The following SLC8A1 variants were observed in gnomAD, a reference collection of about 807,000 sequenced individuals.
The protein encoded by SLC8A1 is solute carrier family 8 member A1, also known as sodium/calcium exchanger 1.
SLC8A1 carries 18 observed loss-of-function variants against 68.3 expected under a neutral mutation model. That is an observed-to-expected ratio of 0.26 (90% CI 0.18 to 0.39). The LOEUF is 0.39. Among genes scored for constraint, SLC8A1 ranks in the 10% least tolerant of loss-of-function variants. SLC8A1 has a pLI of 1.00. For missense variants in SLC8A1, 985 were observed against 1,156.7 expected (o/e 0.85, Z 2.15); for synonymous variants, 475 against 415.5 (o/e 1.14, Z -1.74).
At chr2:40,338,266 C>G (rs1225638498) in intron 2 of SLC8A1, among the ~76,000 whole-genome samples, 1 of 152,108 alleles carries the variant, frequency 6.6e-6, no homozygotes, top group Non-Finnish European at 1.5e-5. Context: ...TAAGACAAGT[C>G]TTGACATATA....
intron 2 of SLC8A1, among the ~76,000 whole-genome samples, chr2:40,258,870 C>CA (rs1462154520): frequency 6.7e-6 from 1 of 150,170 alleles, no homozygotes; most frequent in African/African-American, 2.5e-5. Flanking sequence ...CAAAAAACAA[C>CA]AAAAAACCCA....
intron 2 of SLC8A1, among the ~76,000 whole-genome samples, chr2:40,311,407 A>G (rs1473775427): frequency 2.0e-5 from 3 of 149,924 alleles, no homozygotes; most frequent in African/African-American, 7.5e-5. Flanking sequence ...TTTTAAAAAT[A>G]GCCTTCAGAT....
chr2:40,116,689 T>G (rs367926694), intron 7 of SLC8A1: 11 of 152,366 alleles, frequency 7.2e-5, no homozygotes, highest in African/African-American at 2.2e-4. Flanking sequence ...GGGCTACAGC[T>G]CCTGCCTCAT....
At chr2:40,345,149 G>A (rs952465285) in intron 2 of SLC8A1, among the ~76,000 whole-genome samples, 7 of 152,052 alleles carry the variant, frequency 4.6e-5, no homozygotes, top group African/African-American at 1.7e-4. Context: ...CTCTGCACAC[G>A]GTGGTTGCTT....
At chr2:40,235,377 T>G (rs1399706417) in intron 2 of SLC8A1, among the ~76,000 whole-genome samples, 3 of 151,716 alleles carry the variant, frequency 2.0e-5, no homozygotes, top group Non-Finnish European at 1.5e-5. Context: ...ATTTTCTAGT[T>G]TATTTGTGTA....
At chr2:40,391,812 C>T (rs909829550) in intron 2 of SLC8A1, among the ~76,000 whole-genome samples, 6 of 152,070 alleles carry the variant, frequency 3.9e-5, no homozygotes, top group South Asian at 4.1e-4. Context: ...AACCACATCA[C>T]GCAAAGACCA....
chr2:40,491,575 G>A (rs1321612128), intron 1 of SLC8A1, among the ~76,000 whole-genome samples: 1 of 152,108 alleles, frequency 6.6e-6, no homozygotes. Context: ...TTTTCAAAGG[G>A]AATGCTTCCA....
At chr2:40,353,317 A>C (rs1671688965) in intron 2 of SLC8A1, among the ~76,000 whole-genome samples, 1 of 152,090 alleles carries the variant, frequency 6.6e-6, no homozygotes, top group South Asian at 2.1e-4. Flanking sequence ...CAAAGAGAGC[A>C]ATCTTCCTAC....
chr2:40,409,761 T>C (rs1478281555), intron 2 of SLC8A1, among the ~76,000 whole-genome samples: 1 of 152,154 alleles, frequency 6.6e-6, no homozygotes, highest in African/African-American at 2.4e-5. Flanking sequence ...CAGTGCCACA[T>C]CATCCACCAT....
At chr2:40,428,956 A>G in exon 2 of SLC8A1, 1 of 1,613,884 alleles carries the variant, frequency 6.2e-7, no homozygotes, top group Non-Finnish European at 8.5e-7. Context: ...TCTGAAGTCA[A>G]CAAACACAGT....
At chr2:40,246,316 C>T (rs2061858644) in intron 2 of SLC8A1, among the ~76,000 whole-genome samples, 1 of 152,178 alleles carries the variant, frequency 6.6e-6, no homozygotes, top group Admixed American at 6.5e-5. Context: ...GTCCTGATTC[C>T]ACTTCAAAAC....
At chr2:40,246,177 A>G (rs1408074989) in intron 2 of SLC8A1, among the ~76,000 whole-genome samples, 1 of 152,198 alleles carries the variant, frequency 6.6e-6, no homozygotes, top group Admixed American at 6.5e-5. Flanking sequence ...TTCCAGATGT[A>G]GGTTTTATAG....
At chr2:40,248,991 G>T (rs2062305723) in intron 2 of SLC8A1, among the ~76,000 whole-genome samples, 1 of 152,124 alleles carries the variant, frequency 6.6e-6, no homozygotes, top group Admixed American at 6.6e-5. Flanking sequence ...TATTTCTAGG[G>T]ACATTCATTG....
chr2:40,270,694 A>T (rs2065916705), intron 2 of SLC8A1, among the ~76,000 whole-genome samples: 1 of 152,242 alleles, frequency 6.6e-6, no homozygotes, highest in South Asian at 2.1e-4. Context: ...ACACCTTAAA[A>T]GTCCCCTTCG....
chr2:40,384,493 C>A (rs985066585), intron 2 of SLC8A1, among the ~76,000 whole-genome samples: 8 of 152,158 alleles, frequency 5.3e-5, no homozygotes, highest in Admixed American at 5.2e-4. Flanking sequence ...GTACACTATA[C>A]ATCAACATCA....
At chr2:40,304,286 T>C (rs935556372) in intron 2 of SLC8A1, among the ~76,000 whole-genome samples, 1 of 152,158 alleles carries the variant, frequency 6.6e-6, no homozygotes, top group African/African-American at 2.4e-5. Flanking sequence ...TTGTTCCTTC[T>C]TGAAGGAAAT....
intron 6 of SLC8A1, among the ~76,000 whole-genome samples, chr2:40,156,676 GAA>G (rs71404281): frequency 0.38 from 54,724 of 145,600 alleles, 10,259 homozygotes; most frequent in East Asian, 0.59. Context: ...AAATATTAAG[GAA>G]AAAAAAAAAA....
intron 2 of SLC8A1, among the ~76,000 whole-genome samples, chr2:40,369,140 T>G (rs1198681661): frequency 6.6e-6 from 1 of 151,966 alleles, no homozygotes; most frequent in Non-Finnish European, 1.5e-5. Flanking sequence ...AAAGATATAA[T>G]GACAAAGATG....
chr2:40,191,915 C>T (rs1384974184), intron 2 of SLC8A1, among the ~76,000 whole-genome samples: 1 of 152,082 alleles, frequency 6.6e-6, no homozygotes, highest in Non-Finnish European at 1.5e-5. Context: ...TGTAGGAAGT[C>T]TGTGCTTTTG....
Sources: gnomAD v4.1 joint callset for allele counts (sites outside exome capture counted in the v4.1 genomes callset) on GRCh38, gnomAD v4.1.1 for gene constraint, MANE v1.5 for transcripts, NCBI Gene and HGNC (gene_info 2026-07-23, HGNC 2026-07-21) for gene names.